HS2ST1: variants seen among roughly 807,000 people sequenced by gnomAD.
HS2ST1 encodes the protein 2-O-sulfotransferase.
A neutral mutation model predicts 42.9 loss-of-function variants in HS2ST1; 18 were observed. The observed-to-expected ratio is 0.42, with a 90% CI of 0.29 to 0.62. HS2ST1 has a LOEUF of 0.62. HS2ST1 is among the 20% of genes least tolerant of loss of function. The pLI, the probability that HS2ST1 is intolerant of heterozygous loss-of-function variation, is 0.21. For synonymous variants in HS2ST1, 146 were observed against 152.9 expected (o/e 0.95, Z 0.33); for missense variants, 334 against 433.8 (o/e 0.77, Z 2.04).
At chr1:86,955,417 C>G (rs1487780509) in intron 1 of HS2ST1, among the ~76,000 whole-genome samples, 1 of 152,086 alleles carries the variant, frequency 6.6e-6, no homozygotes, top group Non-Finnish European at 1.5e-5. Context: ...TTAAGAAAAT[C>G]TAATCCCAGG....
chr1:87,023,264 G>A lies in HS2ST1; in HGVS notation c.125-49670G>A, dbSNP rs865950668. 3.3e-5 allele frequency among the ~76,000 whole-genome samples: 5 copies of A among 152,054 alleles called. No homozygotes were observed. In the South Asian group the frequency reaches 8.3e-4, roughly 25 times the overall value. On this transcript the variant is annotated intron_variant, in intron 1 of 6. Transcript: ENST00000370550. ...TCTAGTTATCCTAAAGATAAATAAC[G>A]ACTTATGCAAAATGATGTATTTACA...
At chr1:87,102,676 T>G (rs1652241335) in intron 5 of HS2ST1, among the ~76,000 whole-genome samples, 1 of 152,230 alleles carries the variant, frequency 6.6e-6, no homozygotes, top group South Asian at 2.1e-4. Context: ...TTAATTGTAT[T>G]TCTTTAGTAT....
intron 1 of HS2ST1, among the ~76,000 whole-genome samples, chr1:86,927,918 A>G (rs557634373): frequency 5.3e-5 from 8 of 152,102 alleles, no homozygotes; most frequent in Non-Finnish European, 1.2e-4. Flanking sequence ...TCTGCTGCTT[A>G]AGTTGGTAGT....
At chr1:87,053,591 C>T (rs1650885562) in intron 1 of HS2ST1, among the ~76,000 whole-genome samples, 1 of 152,040 alleles carries the variant, frequency 6.6e-6, no homozygotes, top group African/African-American at 2.4e-5. Context: ...TAGTTAAATG[C>T]ATTCTTAGTA....
intron 1 of HS2ST1, among the ~76,000 whole-genome samples, chr1:86,945,426 C>A (rs562639599): frequency 6.6e-6 from 1 of 152,214 alleles, no homozygotes; most frequent in East Asian, 1.9e-4. Flanking sequence ...TTAATTATGA[C>A]AACAGTTTTG....
chr1:86,959,783 A>G (rs1482328351), intron 1 of HS2ST1, among the ~76,000 whole-genome samples: 1 of 152,230 alleles, frequency 6.6e-6, no homozygotes, highest in Non-Finnish European at 1.5e-5. Flanking sequence ...AAAATGACAA[A>G]AATAAAAAAT....
intron 5 of HS2ST1, among the ~76,000 whole-genome samples, chr1:87,101,908 G>T (rs1414643056): frequency 1.3e-5 from 2 of 152,186 alleles, no homozygotes; most frequent in Non-Finnish European, 1.5e-5. Flanking sequence ...TCTGCAGGCT[G>T]TGCAAGCATG....
At chr1:87,044,985 T>C (rs1041049195) in intron 1 of HS2ST1, 1 of 1,594,466 alleles carries the variant, frequency 6.3e-7, no homozygotes, top group African/African-American at 1.3e-5. Flanking sequence ...ACGTGACCTC[T>C]TTGCACTGAG....
chr1:86,999,710 T>A (rs1376590509), intron 1 of HS2ST1, among the ~76,000 whole-genome samples: 1 of 152,194 alleles, frequency 6.6e-6, no homozygotes, highest in Admixed American at 6.5e-5. Flanking sequence ...CAACTTACTT[T>A]TGTTAATCAT....
intron 1 of HS2ST1, among the ~76,000 whole-genome samples, chr1:86,978,290 T>C (rs889055880): frequency 1.3e-5 from 2 of 152,216 alleles, no homozygotes; most frequent in Admixed American, 6.5e-5. Flanking sequence ...TACAGAACCC[T>C]AAATATTTGT....
rs771741085 is a variant in HS2ST1, at chr1:87,041,467, C to T, written c.125-31467C>T. ...ATGTAAAATGTTATGAACCTTCCCCCGCCCTTAACAAAATTTTAAGTGTAT... is the reference window on the plus strand; with the variant it reads ...ATGTAAAATGTTATGAACCTTCCCCTGCCCTTAACAAAATTTTAAGTGTAT... On this transcript the variant is annotated intron_variant, in intron 1 of 6. Coordinates refer to ENST00000370550, the MANE Select transcript of HS2ST1 (RefSeq NM_012262.4). 7.9e-5 allele frequency among the ~76,000 whole-genome samples: 12 copies of T among 151,948 alleles called. No homozygotes were observed. In the South Asian group the frequency reaches 1.0e-3, roughly 13 times the overall value.
rs1651454556 is a variant in HS2ST1, at chr1:87,072,971, G to A, written c.162G>A (p.Glu54=). The A allele has an allele frequency of 5.0e-6, 8 of 1,614,014 alleles. No homozygotes were observed. Among genetic ancestry groups the A allele is most frequent in the South Asian group, 3.3e-5 (3 of 91,086 alleles). Residue 54 remains glutamate, a synonymous_variant, in exon 2 of 7, where the codon GAG becomes GAA. Coordinates refer to ENST00000370550, the MANE Select transcript of HS2ST1 (RefSeq NM_012262.4). ...CAAGACACGAAGTCCGAGAAATTGAGCAGCGACATACAATGGATGGCCCTC... is the reference window on the plus strand; with the variant it reads ...CAAGACACGAAGTCCGAGAAATTGAACAGCGACATACAATGGATGGCCCTC... The part of the protein sequence containing the change: ...AIARHEVREI[E]QRHTMDGPRQ...
chr1:86,937,162 C>T (rs1477272878), intron 1 of HS2ST1, among the ~76,000 whole-genome samples: 1 of 151,910 alleles, frequency 6.6e-6, no homozygotes, highest in East Asian at 1.9e-4. Context: ...TCAGGTTAAA[C>T]ACTATTTGCA....
intron 1 of HS2ST1, among the ~76,000 whole-genome samples, chr1:87,030,447 A>G (rs1439195900): frequency 6.6e-6 from 1 of 152,070 alleles, no homozygotes; most frequent in East Asian, 1.9e-4. Flanking sequence ...ACAGTGAGAT[A>G]TGATCATGCC....
chr1:86,972,346 A>G (rs566887164), intron 1 of HS2ST1, among the ~76,000 whole-genome samples: 7 of 152,152 alleles, frequency 4.6e-5, no homozygotes, highest in Admixed American at 1.3e-4. Context: ...ATTATAATCT[A>G]TTTAATAATT....
intron 1 of HS2ST1, among the ~76,000 whole-genome samples, chr1:87,014,659 C>T (rs993593527): frequency 2.6e-5 from 4 of 152,152 alleles, no homozygotes; most frequent in South Asian, 2.1e-4. Flanking sequence ...CATGCTTGCA[C>T]GCTTGATAAA....
At position 86,954,689 on chromosome 1, in the gene HS2ST1, A is replaced by C. The variant is rs142631648; in HGVS notation, c.124+39529A>C. Among the ~76,000 whole-genome samples, 171 of 152,252 alleles carry C rather than the reference A, an allele frequency of 1.1e-3. 1 individual carries two copies. In the East Asian group the frequency reaches 0.024, roughly 21 times the overall value. ...GTCTGTTTTGTTCCACTTTCTTCTC[A>C]TGTATGTTACAGGGCATTTTCAGGT... On this transcript the variant is annotated intron_variant, in intron 1 of 6. Transcript: ENST00000370550.
At chr1:87,079,990 G>C (rs552912157) in intron 2 of HS2ST1, among the ~76,000 whole-genome samples, 1 of 152,120 alleles carries the variant, frequency 6.6e-6, no homozygotes, top group Admixed American at 6.5e-5. Context: ...AGAGGTTACA[G>C]TGAGTTATGA....
chr1:87,090,717 A>G (rs1007610377), intron 3 of HS2ST1, among the ~76,000 whole-genome samples: 7 of 151,926 alleles, frequency 4.6e-5, no homozygotes, highest in Non-Finnish European at 8.8e-5. Flanking sequence ...TAATGCTTGT[A>G]ACAGTATAGA....
Sources: allele counts gnomAD v4.1 joint callset (sites outside exome capture counted in the v4.1 genomes callset), GRCh38; gene constraint gnomAD v4.1.1; transcripts MANE v1.5; gene names NCBI Gene and HGNC (gene_info 2026-07-23, HGNC 2026-07-21).